The following NUP88 variants were observed in gnomAD, a reference collection of about 807,000 sequenced individuals.
NUP88 encodes nuclear pore complex protein Nup88.
NUP88 carries 57 observed loss-of-function variants against 93.9 expected under a neutral mutation model. That is an observed-to-expected ratio of 0.61 (90% confidence interval 0.49 to 0.76). The LOEUF (loss-of-function observed/expected upper bound fraction) is 0.76, where lower values mean the gene tolerates loss of function less well. Ranked by LOEUF, NUP88 falls within the 30% of genes least tolerant of loss-of-function variation. The pLI, the probability that NUP88 is intolerant of heterozygous loss-of-function variation, is 0.00. For missense variants in NUP88, 911 were observed against 901.0 expected (o/e 1.01, Z -0.14); for synonymous variants, 346 against 336.8 (o/e 1.03, Z -0.30).
intron 7 of NUP88, among the ~76,000 whole-genome samples, chr17:5,402,416 T>C (rs1195919571): frequency 6.6e-6 from 1 of 152,226 alleles, no homozygotes; most frequent in Non-Finnish European, 1.5e-5. Flanking sequence ...AGGAAACCAA[T>C]TAGTTTATGT....
chr17:5,418,874 G>C (rs1024958665), intron 1 of NUP88, among the ~76,000 whole-genome samples: 1 of 152,172 alleles, frequency 6.6e-6, no homozygotes, highest in Admixed American at 6.6e-5. Flanking sequence ...TTTGGGTATG[G>C]CTTTATTTTC....
intron 2 of NUP88, 90 bp downstream of exon 2, chr17:5,416,420 AGAG>A (rs370626124): frequency 4.6e-4 from 372 of 811,500 alleles, no homozygotes; most frequent in Middle Eastern, 3.0e-3. Flanking sequence ...TAATGTTTTA[AGAG>A]TAGTATACTA....
intron 10 of NUP88, among the ~76,000 whole-genome samples, chr17:5,389,307 T>G (rs1912257559): frequency 2.0e-5 from 3 of 152,206 alleles, no homozygotes; most frequent in Admixed American, 2.0e-4. Flanking sequence ...AGGTTTAGAG[T>G]TGATCAAAAC....
chr17:5,404,575 T>C (rs1275369999), intron 6 of NUP88, among the ~76,000 whole-genome samples: 2 of 151,918 alleles, frequency 1.3e-5, no homozygotes, highest in East Asian at 1.9e-4. Context: ...GATCACACCA[T>C]TGCACTCCAG....
chr17:5,395,367 T>C (rs1404177776), intron 8 of NUP88, among the ~76,000 whole-genome samples: 2 of 152,176 alleles, frequency 1.3e-5, no homozygotes, highest in Admixed American at 6.5e-5. Flanking sequence ...TACTTAGTAG[T>C]TGAACATCTC....
Position 5,388,796 on chromosome 17 carries a change from G to A in NUP88, c.1643+6C>T, listed in dbSNP as rs1912219690. The stretch of plus-strand genomic sequence containing the variant: ...TCATAAAACCGCTATGCCCAAGGTT[G>A]CATACTTCAAAAATGCTGGATTGGC... On this transcript the variant is annotated splice_donor_region_variant and intron_variant, in intron 11 of 16. Transcript: ENST00000573584. 6.2e-7 allele frequency: 1 copy of A among 1,612,128 alleles called. No homozygotes were observed. The highest frequency in any genetic ancestry group is 8.5e-7 in the Non-Finnish European group (1 of 1,179,064).
intron 1 of NUP88, among the ~76,000 whole-genome samples, 200 bp downstream of exon 1, chr17:5,419,154 C>G (rs1452615392): frequency 6.6e-6 from 1 of 152,246 alleles, no homozygotes; most frequent in Non-Finnish European, 1.5e-5. Context: ...ATTGAATATT[C>G]AATGACCCTT....
intron 11 of NUP88, chr17:5,388,232 C>T (rs1392189961): frequency 5.2e-6 from 1 of 192,172 alleles, no homozygotes; most frequent in African/African-American, 2.4e-5. Context: ...AACTCCTGAC[C>T]TTAGGTGATC....
At chr17:5,392,787 AT>A (rs1912522526) in intron 9 of NUP88, among the ~76,000 whole-genome samples, 1 of 152,154 alleles carries the variant, frequency 6.6e-6, no homozygotes, top group Non-Finnish European at 1.5e-5. Flanking sequence ...ATTGATATAA[AT>A]GGGATTTTGG....
chr17:5,390,637 G>C (rs890240536), intron 10 of NUP88, among the ~76,000 whole-genome samples: 4 of 152,116 alleles, frequency 2.6e-5, no homozygotes, highest in African/African-American at 9.7e-5. Flanking sequence ...GTTGGAAAAG[G>C]AACATAGTGA....
chr17:5,415,884 C>T (rs576639813), intron 2 of NUP88, among the ~76,000 whole-genome samples: 1 of 152,062 alleles, frequency 6.6e-6, no homozygotes, highest in South Asian at 2.1e-4. Flanking sequence ...GTGGCTCACA[C>T]CTATAACCCC....
chr17:5,388,593 T>C, intron 11 of NUP88: 1 of 483,338 alleles, frequency 2.1e-6, no homozygotes, highest in East Asian at 3.6e-5. Flanking sequence ...CGGCCTAGCC[T>C]AACTTCTTTT....
At chr17:5,386,877 C>T (rs761778138) in intron 15 of NUP88, 51 bp from the exon 16 acceptor site, 4 of 1,582,684 alleles carry the variant, frequency 2.5e-6, no homozygotes, top group Admixed American at 3.4e-5. Flanking sequence ...CACACATTTT[C>T]ACAGTATCTA....
chr17:5,409,547 A>G (rs564226523), intron 4 of NUP88, among the ~76,000 whole-genome samples: 1 of 152,254 alleles, frequency 6.6e-6, no homozygotes. Context: ...ACACATGAAA[A>G]CATCAACAGT....
In NUP88 at chr17:5,386,036, TAAATAA is replaced by T; in HGVS notation, c.*164_*169del. 1 of 560,874 alleles carries T rather than the reference TAAATAA, an allele frequency of 1.8e-6. No homozygotes were observed. Among genetic ancestry groups the T allele is most frequent in the South Asian group, 2.7e-5 (1 of 36,428 alleles). 34.7% of individuals were successfully genotyped at this position (560,874 alleles called of 1,614,324 possible). On this transcript the variant is annotated 3_prime_UTR_variant, in exon 17 of 17. Transcript: ENST00000573584. The stretch of plus-strand genomic sequence containing the variant: ...GAGTTATAAAGCACATTCCAAATTT[TAAATAA>T]AAGCATTTACTCAATTATTATAAAA...
rs139071402 is a variant in NUP88, at chr17:5,392,883, G to A, written c.1383-1221C>T. Among the ~76,000 whole-genome samples, 5 of 151,974 alleles carry A rather than the reference G, an allele frequency of 3.3e-5. No homozygotes were observed. The East Asian group carries it at 7.7e-4, about 24-fold the overall frequency. On this transcript the variant is annotated intron_variant, in intron 9 of 16. Coordinates refer to ENST00000573584, the MANE Select transcript of NUP88 (RefSeq NM_002532.6). ...CGACTCACTGCAGCCTTGACCTCGT[G>A]GGCTCAAACAATCCTTCCTTCTCAG...
At chr17:5,386,887 A>G (rs939690014) in intron 15 of NUP88, 61 bp from the exon 16 acceptor site, 1 of 1,585,006 alleles carries the variant, frequency 6.3e-7, no homozygotes, top group Middle Eastern at 1.7e-4. Flanking sequence ...CACAGTATCT[A>G]TTTGAATCTG....
chr17:5,403,658 T>TCAA (rs55871021), intron 7 of NUP88, among the ~76,000 whole-genome samples: 296 of 150,362 alleles, frequency 2.0e-3, no homozygotes, highest in African/African-American at 5.2e-3. Context: ...AGACACCATC[T>TCAA]CAACAACAAC....
Position 5,387,621 on chromosome 17 carries a change from A to G in NUP88, c.1819T>C (p.Tyr607His). Residue 607 changes from tyrosine (Y) to histidine (H), a missense_variant, in exon 13 of 17, where the codon TAT becomes CAT. Coordinates refer to ENST00000573584, the MANE Select transcript of NUP88 (RefSeq NM_002532.6). ...QKKKQLEDLS[Y>H]CREERKSLRE... ...GACACTTACCTCTCTTCTCGACAAT[A>G]ACTGAGATCTTCTAGTTGTTTCTTT... 1 of 1,613,302 alleles carries G rather than the reference A, an allele frequency of 6.2e-7. No individual in the cohort carries two copies. The highest frequency in any genetic ancestry group is 1.7e-4 in the Middle Eastern group (1 of 6,058).
Sources: gnomAD v4.1 joint callset for allele counts (sites outside exome capture counted in the v4.1 genomes callset) on GRCh38, gnomAD v4.1.1 for gene constraint, MANE v1.5 for transcripts, NCBI Gene and HGNC (gene_info 2026-07-23, HGNC 2026-07-21) for gene names.